Variants in FNDC1 observed in about 807,000 individuals in gnomAD.
FNDC1 encodes fibronectin type III domain-containing protein 1.
A neutral mutation model predicts 168.0 loss-of-function variants in FNDC1; 96 were observed. The observed-to-expected ratio is 0.57, with a 90% CI of 0.48 to 0.68. FNDC1 has a LOEUF of 0.68. Among genes scored for constraint, FNDC1 ranks in the 30% least tolerant of loss-of-function variants. The probability of loss-of-function intolerance (pLI) is 0.00; values close to 1 mark genes in which losing one functional copy is unlikely to be tolerated. For synonymous variants in FNDC1, 1,099 were observed against 1,025.9 expected (o/e 1.07, Z -1.36); for missense variants, 2,587 against 2,482.1 (o/e 1.04, Z -0.90).
chr6:159,252,093 C>T (rs1777280588), intron 17 of FNDC1, among the ~76,000 whole-genome samples: 1 of 152,174 alleles, frequency 6.6e-6, no homozygotes, highest in Non-Finnish European at 1.5e-5. Flanking sequence ...AAAAAATGCC[C>T]AAGGATCTTG....
At chr6:159,203,518 G>C (rs2114953399) in intron 4 of FNDC1, among the ~76,000 whole-genome samples, 1 of 152,294 alleles carries the variant, frequency 6.6e-6, no homozygotes, top group Non-Finnish European at 1.5e-5. Flanking sequence ...ACAGGATCGA[G>C]CGAGAATGCA....
intron 8 of FNDC1, 131 bp from the exon 9 acceptor site, chr6:159,226,342 G>A: frequency 1.5e-6 from 1 of 651,022 alleles, no homozygotes; most frequent in Non-Finnish European, 2.6e-6. Context: ...GGAATTTTCT[G>A]TCAGGTATAA....
At chr6:159,238,904 G>A (rs73597215) in intron 13 of FNDC1, among the ~76,000 whole-genome samples, 1 of 152,230 alleles carries the variant, frequency 6.6e-6, no homozygotes, top group African/African-American at 2.4e-5. Context: ...TCTTAAATTG[G>A]CCCTTTCAGA....
In FNDC1 at chr6:159,233,302, A is replaced by G. The variant is rs754429302; in HGVS notation, c.2790A>G (p.Lys930=). The G allele has an allele frequency of 6.2e-7, 1 of 1,613,772 alleles. No individual in the cohort carries two copies. The highest frequency in any genetic ancestry group is 1.1e-5 in the South Asian group (1 of 91,070). Residue 930 remains lysine, a synonymous_variant, in exon 11 of 23, where the codon AAA becomes AAG. Coordinates refer to ENST00000297267, the MANE Select transcript of FNDC1 (RefSeq NM_032532.3). This position sits in a 1 kb window ranked among gnomAD's most constrained non-coding sequence, Gnocchi z 4.6. ...HRKEPIPENP[K]STGADTHPQG... The stretch of plus-strand genomic sequence containing the variant: ...AGGAACCCATCCCAGAGAACCCCAA[A>G]TCCACAGGGGCAGATACACATCCTC...
chr6:159,239,344 A>T (rs1783347258), intron 13 of FNDC1, among the ~76,000 whole-genome samples, 173 bp from the exon 14 acceptor site: 1 of 152,238 alleles, frequency 6.6e-6, no homozygotes, highest in African/African-American at 2.4e-5. Flanking sequence ...TGCTAGACAC[A>T]AGAGTTATCT....
At chr6:159,261,065 T>G (rs1243429027) in intron 18 of FNDC1, 125 bp from the exon 19 acceptor site, 1 of 671,628 alleles carries the variant, frequency 1.5e-6, no homozygotes, top group African/African-American at 1.8e-5. Flanking sequence ...TAGTGCTGTA[T>G]GCATTTGTAA....
chr6:159,232,935 T>G lies in FNDC1; in HGVS notation c.2423T>G (p.Leu808Arg). ...CAGGCGGAGGCCACGGCCCAGACGC[T>G]GCGGGCCCGGCCTGCCTCTGGACAC... is the stretch of plus-strand genomic sequence containing the variant. Reference protein sequence around the residue: ...GRQAEATAQTLRARPASGHFH... With the variant: ...GRQAEATAQTRRARPASGHFH... The change falls in exon 11 of 23, where the codon CTG becomes CGG. Residue 808 changes from leucine (L) to arginine (R), a missense_variant. Coordinates refer to ENST00000297267, the MANE Select transcript of FNDC1 (RefSeq NM_032532.3). The surrounding 1 kb of genome is among the most constrained non-coding windows in gnomAD (Gnocchi z 4.9). 1 of 1,610,264 alleles carries G rather than the reference T, an allele frequency of 6.2e-7. No individual in the cohort carries two copies. The highest frequency in any genetic ancestry group is 8.5e-7 in the Non-Finnish European group (1 of 1,179,336).
rs757827610 is a variant in FNDC1, at chr6:159,233,911, C to A, written c.3399C>A (p.Ala1133=). The A allele has an allele frequency of 2.6e-6, 4 of 1,548,014 alleles. No homozygotes were observed. The highest frequency in any genetic ancestry group is 3.4e-4 in the Middle Eastern group (2 of 5,966). Residue 1133 remains alanine (A), a synonymous_variant, in exon 11 of 23, where the codon GCC becomes GCA. Coordinates refer to ENST00000297267, the MANE Select transcript of FNDC1 (RefSeq NM_032532.3). This position sits in a 1 kb window ranked among gnomAD's most constrained non-coding sequence, Gnocchi z 4.6. ...ACAGGTCCCAGCGCGGACATGCGGC[C>A]TCCCCCGCCAGGCCCAGCCGACCCG... The part of the protein sequence containing the change: ...GDHRSQRGHA[A]SPARPSRPGG...
chr6:159,187,651 A>G (rs1338670920), intron 1 of FNDC1, among the ~76,000 whole-genome samples: 1 of 152,022 alleles, frequency 6.6e-6, no homozygotes. Context: ...GTTTTACATC[A>G]CAGAACCACA....
chr6:159,259,415 A>T (rs960357045), intron 18 of FNDC1, among the ~76,000 whole-genome samples: 1 of 152,158 alleles, frequency 6.6e-6, no homozygotes, highest in Non-Finnish European at 1.5e-5. Context: ...TTTAGGCTTT[A>T]GTGTCAAAAC....
Position 159,239,899 on chromosome 6 carries a change from C to T in FNDC1, c.4563C>T (p.Asp1521=), listed in dbSNP as rs370503374. Residue 1521 remains aspartate, a synonymous_variant, in exon 14 of 23, where the codon GAC becomes GAT. Coordinates refer to ENST00000297267, the MANE Select transcript of FNDC1 (RefSeq NM_032532.3). ...TCPPGTLERH[D]DDGNLIMSSN... ...CCCCTGGGACCTTGGAACGGCACGA[C>T]GATGATGGCAACCTGATAATGAGCT... is the stretch of plus-strand genomic sequence containing the variant. 3.7e-5 allele frequency: 56 copies of T among 1,528,754 alleles called. No homozygotes were observed. The highest frequency in any genetic ancestry group is 3.0e-4 in the East Asian group (12 of 40,654). 94.7% of individuals were successfully genotyped at this position (1,528,754 alleles called of 1,614,324 possible).
At chr6:159,186,592 T>G (rs1293494607) in intron 1 of FNDC1, among the ~76,000 whole-genome samples, 1 of 152,346 alleles carries the variant, frequency 6.6e-6, no homozygotes, top group Non-Finnish European at 1.5e-5. Flanking sequence ...CAAGCTGACA[T>G]GCAGCTCCCA....
chr6:159,269,502 C>CGATCCATCCATG (rs1562316098), intron 22 of FNDC1, among the ~76,000 whole-genome samples: 4 of 92,440 alleles, frequency 4.3e-5, no homozygotes, highest in African/African-American at 1.4e-4. Flanking sequence ...ATCTATCTAT[C>CGATCCATCCATG]CATCCATCCA....
intron 17 of FNDC1, among the ~76,000 whole-genome samples, chr6:159,255,908 G>A (rs912051926): frequency 2.6e-5 from 4 of 152,208 alleles, no homozygotes; most frequent in African/African-American, 2.4e-5. Context: ...GGGTTCACCC[G>A]CTGAGGTCTG....
rs1781606318 is a variant in FNDC1 at position 159,169,634 on chromosome 6, G to A, written c.38G>A (p.Arg13His). 3.5e-6 allele frequency: 4 copies of A among 1,147,046 alleles called. No individual in the cohort carries two copies. Among genetic ancestry groups the A allele is most frequent in the Non-Finnish European group, 3.2e-6 (3 of 934,680 alleles). 71.1% of individuals were successfully genotyped at this position (1,147,046 alleles called of 1,614,324 possible). A position where few individuals can be genotyped will look rare whatever the true frequency, so the allele number is the denominator to read the frequency against. Residue 13 changes from arginine (R) to histidine (H), a missense_variant, in exon 1 of 23, where the codon CGC becomes CAC. By Grantham distance (29) the Arg-to-His change is conservative (BLOSUM62 0). Transcript: ENST00000297267. The surrounding 1 kb of genome is among the most constrained non-coding windows in gnomAD (Gnocchi z 6.8). ...PEAGATLRAP[R>H]RLSWAALLLL... ...GCCGGGGCGACCCTGCGCGCGCCGCGCCGGCTGTCCTGGGCGGCGCTGCTG... is the reference window on the plus strand; with the variant it reads ...GCCGGGGCGACCCTGCGCGCGCCGCACCGGCTGTCCTGGGCGGCGCTGCTG...
chr6:159,223,510 G>T lies in FNDC1; in HGVS notation c.767-18G>T. The T allele has an allele frequency of 6.4e-7, 1 of 1,556,998 alleles. No individual in the cohort carries two copies. Among genetic ancestry groups the T allele is most frequent in the Non-Finnish European group, 8.8e-7 (1 of 1,131,922 alleles). Reference sequence around the variant, plus strand: ...GTTGTGAGAGAAAGCCTTTCTCTGGGTCTCGTTGTCATTTCAGAAGAGGAC... The same window carrying T: ...GTTGTGAGAGAAAGCCTTTCTCTGGTTCTCGTTGTCATTTCAGAAGAGGAC... On this transcript the variant is annotated intron_variant, in intron 6 of 22. Transcript: ENST00000297267.
At chr6:159,260,663 C>T (rs1451671594) in intron 18 of FNDC1, among the ~76,000 whole-genome samples, 1 of 152,240 alleles carries the variant, frequency 6.6e-6, no homozygotes, top group Non-Finnish European at 1.5e-5. Flanking sequence ...TCATCCTCTC[C>T]CTGTCAACCA....
chr6:159,230,493 A>C (rs1435255495), intron 10 of FNDC1, among the ~76,000 whole-genome samples: 1 of 152,228 alleles, frequency 6.6e-6, no homozygotes, highest in Non-Finnish European at 1.5e-5. Context: ...ATGATGCAGT[A>C]TATTCATGTG....
chr6:159,265,593 A>G (rs1777574369), intron 20 of FNDC1, among the ~76,000 whole-genome samples: 1 of 152,200 alleles, frequency 6.6e-6, no homozygotes, highest in Non-Finnish European at 1.5e-5. Context: ...TAGTACTAAA[A>G]AACACAAAGA....
Sources: gnomAD v4.1 joint callset for allele counts (sites outside exome capture counted in the v4.1 genomes callset) on GRCh38, gnomAD v4.1.1 for gene constraint, Gnocchi (gnomAD v3.1) non-coding constraint, MANE v1.5 for transcripts, NCBI Gene and HGNC (gene_info 2026-07-23, HGNC 2026-07-21) for gene names.